The following SIPA1L3 variants were observed in gnomAD, a reference collection of about 807,000 sequenced individuals.
SIPA1L3 encodes the protein signal-induced proliferation-associated 1-like protein 3.
A neutral mutation model predicts 150.1 loss-of-function variants in SIPA1L3; 59 were observed. The ratio of observed to expected loss-of-function variants is 0.39; its 90% CI spans 0.32 to 0.49. The LOEUF (loss-of-function observed/expected upper bound fraction) is 0.49, where lower values mean the gene tolerates loss of function less well. Ranked by LOEUF, SIPA1L3 falls within the 20% of genes least tolerant of loss-of-function variation. SIPA1L3 has a pLI of 0.86. For missense variants in SIPA1L3, 2,211 were observed against 2,489.5 expected (o/e 0.89, Z 2.38); for synonymous variants, 1,070 against 1,077.6 (o/e 0.99, Z 0.14).
intron 1 of SIPA1L3, among the ~76,000 whole-genome samples, chr19:37,931,277 T>C (rs917465855): frequency 1.3e-5 from 2 of 149,248 alleles, no homozygotes; most frequent in African/African-American, 2.5e-5. Context: ...TTTGGGAGGC[T>C]GAGGAGGGAG....
intron 1 of SIPA1L3, among the ~76,000 whole-genome samples, chr19:37,973,580 A>G (rs1304161844): frequency 1.5e-5 from 2 of 134,604 alleles, no homozygotes; most frequent in African/African-American, 6.2e-5. Context: ...ATCTTGAAGC[A>G]CTAAAACGCC....
At chr19:38,056,673 TACTC>T (rs1210724341) in intron 2 of SIPA1L3, among the ~76,000 whole-genome samples, 1 of 152,360 alleles carries the variant, frequency 6.6e-6, no homozygotes, top group African/African-American at 2.4e-5. Flanking sequence ...TCTCAGGAAA[TACTC>T]ACCTAGTGAA....
At chr19:38,133,927 TGAGCCCAGCA>T (rs1270181828) in intron 10 of SIPA1L3, among the ~76,000 whole-genome samples, 3 of 152,000 alleles carry the variant, frequency 2.0e-5, no homozygotes, top group Non-Finnish European at 4.4e-5. Flanking sequence ...GAAGATCACT[TGAGCCCAGCA>T]GTTCGAGACC....
At chr19:38,119,176 A>C in intron 8 of SIPA1L3, 130 bp from the exon 9 acceptor site, 1 of 868,584 alleles carries the variant, frequency 1.2e-6, no homozygotes, top group Middle Eastern at 2.2e-4. Flanking sequence ...AGCCTGGGTG[A>C]CAGAGTGAGA....
At chr19:38,001,511 C>T (rs1967807822) in intron 1 of SIPA1L3, among the ~76,000 whole-genome samples, 1 of 152,144 alleles carries the variant, frequency 6.6e-6, no homozygotes, top group South Asian at 2.1e-4. Context: ...ACTTCAGCCT[C>T]AGCCTCTTAG....
chr19:38,143,678 A>G (rs1338138897), intron 12 of SIPA1L3, among the ~76,000 whole-genome samples: 3 of 150,954 alleles, frequency 2.0e-5, no homozygotes, highest in Non-Finnish European at 4.4e-5. Context: ...AGCTGGGACT[A>G]CAGGCTCTCG....
chr19:37,915,190 T>C (rs948568744), intron 1 of SIPA1L3, among the ~76,000 whole-genome samples: 1 of 152,080 alleles, frequency 6.6e-6, no homozygotes, highest in African/African-American at 2.4e-5. Context: ...GGTTTGGTGG[T>C]GGTTTCAAAA....
intron 1 of SIPA1L3, among the ~76,000 whole-genome samples, chr19:37,965,863 A>T (rs904560825): frequency 3.9e-5 from 6 of 151,918 alleles, no homozygotes; most frequent in Admixed American, 1.3e-4. Context: ...CATGTCTGGG[A>T]CCCAGCGTTC....
rs781754638 is a variant in SIPA1L3 at position 38,082,832 on chromosome 19, C to T, written c.1267C>T (p.Leu423=). Residue 423 remains leucine, a synonymous_variant, in exon 3 of 22, where the codon CTG becomes TTG. Coordinates refer to ENST00000222345, the MANE Select transcript of SIPA1L3 (RefSeq NM_015073.3). The part of the protein sequence containing the change: ...QDLGDDNSND[L]LLSCPHFRNE... ...CCTCGGCGATGACAACAGCAACGAC[C>T]TGCTGCTCAGCTGCCCGCACTTCCG... The T allele has an allele frequency of 1.9e-6, 3 of 1,613,720 alleles. No homozygotes were observed. Among genetic ancestry groups the T allele is most frequent in the Admixed American group, 3.3e-5 (2 of 60,030 alleles).
chr19:38,206,404 G>A lies in SIPA1L3; in HGVS notation c.*164G>A. The stretch of plus-strand genomic sequence containing the variant: ...ATGGCCTCACTAGGGCTGTGAGTCA[G>A]GGTCAGCGCGCACAGCCCTCATGCC... On this transcript the variant is annotated 3_prime_UTR_variant, in exon 22 of 22. Transcript: ENST00000222345. 1 of 837,634 alleles carries A rather than the reference G, an allele frequency of 1.2e-6. No homozygotes were observed. The highest frequency in any genetic ancestry group is 1.8e-6 in the Non-Finnish European group (1 of 555,104). 51.9% of individuals were successfully genotyped at this position (837,634 alleles called of 1,614,324 possible). A position where few individuals can be genotyped will look rare whatever the true frequency, so the allele number is the denominator to read the frequency against.
At position 38,164,670 on chromosome 19, in the gene SIPA1L3, C is replaced by A. The variant is rs143589666; in HGVS notation, c.3972C>A (p.Ser1324=). The change falls in exon 15 of 22, where the codon TCC becomes TCA. Residue 1324 remains serine, a synonymous_variant. Coordinates refer to ENST00000222345, the MANE Select transcript of SIPA1L3 (RefSeq NM_015073.3). This position sits in a 1 kb window ranked among gnomAD's most constrained non-coding sequence, Gnocchi z 4.1. ...TLYTSSPSCM[S]LAKAPRPAKP... ...ACACCTCCAGCCCTAGCTGCATGTC[C>A]CTGGCCAAGGCTCCACGGCCCGCCA... The A allele has an allele frequency of 6.2e-7, 1 of 1,614,152 alleles. No individual in the cohort carries two copies. The highest frequency in any genetic ancestry group is 1.1e-5 in the South Asian group (1 of 91,086).
At chr19:38,113,175 C>T (rs1970805693) in intron 8 of SIPA1L3, among the ~76,000 whole-genome samples, 1 of 151,412 alleles carries the variant, frequency 6.6e-6, no homozygotes, top group South Asian at 2.1e-4. Context: ...TGCACCACTG[C>T]ACTCCAGCCT....
At position 37,979,648 on chromosome 19, in the gene SIPA1L3, C is replaced by T. The variant is rs1967154487; in HGVS notation, c.-378-49441C>T. 5.3e-5 allele frequency among the ~76,000 whole-genome samples: 8 copies of T among 152,128 alleles called. No homozygotes were observed. In the South Asian group the frequency reaches 1.7e-3, roughly 31 times the overall value. ...TGGTTGTGTATTGTCTGTGGCTGTT[C>T]TTACACTGTAATGGCAGAATTGAGT... is the stretch of plus-strand genomic sequence containing the variant. On this transcript the variant is annotated intron_variant, in intron 1 of 21. Coordinates refer to ENST00000222345, the MANE Select transcript of SIPA1L3 (RefSeq NM_015073.3).
rs572179429 is a variant in SIPA1L3, at chr19:38,112,526, C to G, written c.2291+2142C>G. Among the ~76,000 whole-genome samples, 38 of 152,300 alleles carry G rather than the reference C, an allele frequency of 2.5e-4. No individual in the cohort carries two copies. The Middle Eastern group carries it at 0.02, about 82-fold the overall frequency. On this transcript the variant is annotated intron_variant, in intron 8 of 21. Coordinates refer to ENST00000222345, the MANE Select transcript of SIPA1L3 (RefSeq NM_015073.3). Reference sequence around the variant, plus strand: ...AGAGTGATTTCTTCTCTCTCACACACAAACCTTTCTTGTTTTTTATAATTT... The same window carrying G: ...AGAGTGATTTCTTCTCTCTCACACAGAAACCTTTCTTGTTTTTTATAATTT...
At chr19:38,186,789 G>A (rs916811659) in intron 16 of SIPA1L3, among the ~76,000 whole-genome samples, 2 of 148,742 alleles carry the variant, frequency 1.3e-5, no homozygotes, top group African/African-American at 4.9e-5. Context: ...TCAGGAGTTC[G>A]AGACCAGCCT....
chr19:38,009,806 C>T (rs1204093681), intron 1 of SIPA1L3, among the ~76,000 whole-genome samples: 1 of 151,982 alleles, frequency 6.6e-6, no homozygotes, highest in Non-Finnish European at 1.5e-5. Flanking sequence ...GGGGATTTTC[C>T]CAGTGACCAG....
chr19:38,138,910 A>AACAAAAAAAAAACAAAAAC (rs1971504153), intron 10 of SIPA1L3, among the ~76,000 whole-genome samples: 1 of 112,786 alleles, frequency 8.9e-6, no homozygotes, highest in Admixed American at 9.4e-5. Context: ...AAAAAAAAAA[A>AACAAAAAAAAAACAAAAAC]AAAAACTGAG....
At chr19:37,975,660 A>G (rs1200591286) in intron 1 of SIPA1L3, among the ~76,000 whole-genome samples, 1 of 152,130 alleles carries the variant, frequency 6.6e-6, no homozygotes, top group African/African-American at 2.4e-5. Context: ...TAAAATTTGT[A>G]TGTTGTAGGT....
intron 1 of SIPA1L3, among the ~76,000 whole-genome samples, chr19:38,020,720 G>A (rs1021346729): frequency 2.6e-5 from 4 of 152,180 alleles, no homozygotes; most frequent in African/African-American, 4.8e-5. Flanking sequence ...GCATTAATTC[G>A]GGCACCAGGT....
Sources: gnomAD v4.1 joint callset for allele counts (sites outside exome capture counted in the v4.1 genomes callset) on GRCh38, gnomAD v4.1.1 for gene constraint, Gnocchi (gnomAD v3.1) non-coding constraint, MANE v1.5 for transcripts, NCBI Gene and HGNC (gene_info 2026-07-23, HGNC 2026-07-21) for gene names.